RECQL4: variants seen among roughly 807,000 people sequenced by gnomAD.
RECQL4 encodes the protein ATP-dependent DNA helicase Q4.
A neutral mutation model predicts 128.6 loss-of-function variants in RECQL4; 158 were observed. That is an observed-to-expected ratio of 1.23 (90% CI 1.08 to 1.40). The LOEUF (loss-of-function observed/expected upper bound fraction) is 1.40. Ranked by LOEUF, RECQL4 falls within the 40% of genes most tolerant of loss-of-function variation. The pLI is 0.00. For synonymous variants in RECQL4, 996 were observed against 678.9 expected, an observed-to-expected ratio of 1.47 and a Z score of -7.26; for missense variants, 2,293 against 1,649.8, an observed-to-expected ratio of 1.39 and a Z score of -6.75.
rs1286553686 is a variant in RECQL4 at position 144,514,289 on chromosome 8, G to A, written c.1778C>T (p.Ala593Val). The change falls in exon 11 of 21, where the codon GCC (alanine) becomes GTC (valine). Residue 593 changes from alanine (A) to valine (V), a missense_variant. Physicochemically the swap from Ala to Val is moderately conservative, Grantham distance 64. Transcript: ENST00000617875. ...ALVGAGGLPPAAQLPPVAFAC... is the reference protein window; with the variant it reads ...ALVGAGGLPPVAQLPPVAFAC... ...AAAAGCAACTGGAGGCAGCTGTGCG[G>A]CTGGAGGGAGGCCTCCCGCCCCCAC... 1.2e-6 allele frequency: 2 copies of A among 1,611,166 alleles called. No individual in the cohort carries two copies. The highest frequency in any genetic ancestry group is 2.7e-5 in the African/African-American group (2 of 74,888).
Position 144,512,947 on chromosome 8 carries a change from A to G in RECQL4, c.2655T>C (p.Leu885=). 6.3e-7 allele frequency: 1 copy of G among 1,574,902 alleles called. No homozygotes were observed. Among genetic ancestry groups the G allele is most frequent in the Non-Finnish European group, 8.6e-7 (1 of 1,160,580 alleles). The change falls in exon 15 of 21, where the codon CTT becomes CTC. Residue 885 remains leucine (L), a synonymous_variant. Transcript: ENST00000617875. ...TGGGTCCTGGGGCTGCTTGGTGGCT[A>G]AGCTGCTCAGCCTCTTGAGGGGGGT... The part of the protein sequence containing the change: ...PKYPPQEAEQ[L]SHQAAPGPRR...
chr8:144,512,735 G>C lies in RECQL4; in HGVS notation c.2792C>G (p.Pro931Arg), dbSNP rs749155734. Reference sequence around the variant, plus strand: ...CGCCAGCAGCTCCAGCCAGTGGTGTGGGTGCAGCTCCAGGTAGCACAGCAA... The same window carrying C: ...CGCCAGCAGCTCCAGCCAGTGGTGTCGGTGCAGCTCCAGGTAGCACAGCAA... ...ETLLCYLELHPHHWLELLATT... is the reference protein window; with the variant it reads ...ETLLCYLELHRHHWLELLATT... Residue 931 changes from proline to arginine, a missense_variant, in exon 16 of 21, where the codon CCA becomes CGA. Coordinates refer to ENST00000617875, the MANE Select transcript of RECQL4 (RefSeq NM_004260.4). 2 of 1,612,258 alleles carry C rather than the reference G, an allele frequency of 1.2e-6. No homozygotes were observed. Among genetic ancestry groups the C allele is most frequent in the South Asian group, 1.1e-5 (1 of 91,086 alleles).
At chr8:144,517,028 T>C (rs1815212191) in intron 4 of RECQL4, 22 bp downstream of exon 4, 6 of 1,601,530 alleles carry the variant, frequency 3.7e-6, no homozygotes, top group African/African-American at 1.3e-5. Context: ...TAGCGTGGAC[T>C]CACTGCCTGC....
rs746331252 is a variant in RECQL4 at position 144,513,019 on chromosome 8, G to A, written c.2583C>T (p.Pro861=). ...PACTCTCTRP[P]SEQEGAVGGE... is the part of the protein sequence containing the mutation. ...CACCCACGGCCCCTTCCTGCTCCGA[G>A]GGCGGCCTGGTGCAGGTGCAGGTGC... The change falls in exon 15 of 21, where the codon CCC becomes CCT. Residue 861 remains proline, a synonymous_variant. Transcript: ENST00000617875. The A allele has an allele frequency of 1.3e-6, 2 of 1,571,930 alleles. No individual in the cohort carries two copies. Among genetic ancestry groups the A allele is most frequent in the Non-Finnish European group, 8.6e-7 (1 of 1,159,486 alleles).
At position 144,514,990 on chromosome 8, in the gene RECQL4, G is replaced by A. The variant is rs2130703266; in HGVS notation, c.1566C>T (p.Arg522=). ...YQLPALLYSR[R]SPCLTLVVSP... ...AGACGACCAACGTGAGGCAGGGGCTGCGCCGGCTGTAGAGCAGCGCTGGGA... is the reference window on the plus strand; with the variant it reads ...AGACGACCAACGTGAGGCAGGGGCTACGCCGGCTGTAGAGCAGCGCTGGGA... The change falls in exon 9 of 21, where the codon CGC becomes CGT. Residue 522 remains arginine, a synonymous_variant. Coordinates refer to ENST00000617875, the MANE Select transcript of RECQL4 (RefSeq NM_004260.4). 1.9e-6 allele frequency: 3 copies of A among 1,611,722 alleles called. No homozygotes were observed. Among genetic ancestry groups the A allele is most frequent in the Non-Finnish European group, 2.5e-6 (3 of 1,179,554 alleles).
chr8:144,515,728 G>A (rs775776250), intron 6 of RECQL4, 36 bp downstream of exon 6: 2 of 1,608,300 alleles, frequency 1.2e-6, no homozygotes, highest in African/African-American at 1.3e-5. Flanking sequence ...TCTCCACAGT[G>A]TTGGCCGGAC....
At position 144,515,243 on chromosome 8, in the gene RECQL4, C is replaced by T. The variant is rs117642173; in HGVS notation, c.1391-1G>A. 84 of 1,596,570 alleles carry T rather than the reference C, an allele frequency of 5.3e-5. No individual in the cohort carries two copies. The highest frequency in any genetic ancestry group is 7.0e-5 in the Non-Finnish European group (82 of 1,172,292). ...GCCTGGAACACCTCAGCCGGCGTCT[C>T]TGCAGACACAGATGTTGATCACCAT... On this transcript the variant is annotated splice_acceptor_variant, in intron 7 of 20. Coordinates refer to ENST00000617875, the MANE Select transcript of RECQL4 (RefSeq NM_004260.4). LOFTEE classifies it high-confidence loss of function.
rs1268491409 is a variant in RECQL4, at chr8:144,513,027, T to C, written c.2575A>G (p.Arg859Gly). The change falls in exon 15 of 21, where the codon AGG (arginine) becomes GGG (glycine). Residue 859 changes from arginine (R) to glycine (G), a missense_variant. By Grantham distance (125) the Arg-to-Gly change is moderately radical. Transcript: ENST00000617875. ...VFPACTCTCT[R>G]PPSEQEGAVG... ...GCCCCTTCCTGCTCCGAGGGCGGCC[T>C]GGTGCAGGTGCAGGTGCAGGCTGGG... is the stretch of plus-strand genomic sequence containing the variant. 4.4e-6 allele frequency: 7 copies of C among 1,574,350 alleles called. No homozygotes were observed. The highest frequency in any genetic ancestry group is 4.7e-5 in the East Asian group (2 of 42,566).
rs1444716268 is a variant in RECQL4, at chr8:144,513,120, G to T, written c.2482C>A (p.Leu828Met). Residue 828 changes from leucine (L) to methionine (M), a missense_variant, in exon 15 of 21, where the codon CTG (leucine) becomes ATG (methionine). Transcript: ENST00000617875. Reference sequence around the variant, plus strand: ...CTGTCGGCGTGCACATGTCTGCGCAGCTCTCGCAGGTCTTCGCCCTGCAGG... The same window carrying T: ...CTGTCGGCGTGCACATGTCTGCGCATCTCTCGCAGGTCTTCGCCCTGCAGG... Reference protein sequence around the residue: ...LQPQGEDLRELRRHVHADSTD... With the variant: ...LQPQGEDLREMRRHVHADSTD... The T allele has an allele frequency of 3.3e-6, 5 of 1,512,142 alleles. No individual in the cohort carries two copies. In the South Asian group the frequency reaches 6.0e-5, roughly 18 times the overall value. The allele number at this position is 1,512,142 out of a possible 1,614,324, so 93.7% of individuals were successfully genotyped here.
rs202043854 is a variant in RECQL4 at position 144,515,863 on chromosome 8, C to T, written c.1159G>A (p.Gly387Arg). The T allele has an allele frequency of 3.6e-4, 587 of 1,612,860 alleles. 1 individual carries two copies. The highest frequency in any genetic ancestry group is 4.7e-4 in the Non-Finnish European group (549 of 1,179,812). Residue 387 changes from glycine to arginine, a missense_variant, in exon 6 of 21, where the codon GGG (glycine) becomes AGG (arginine). Gly to Arg is a moderately radical substitution (Grantham distance 125). Transcript: ENST00000617875. ...QAWKQKWRKKGECFGGGGATV... is the reference protein window; with the variant it reads ...QAWKQKWRKKRECFGGGGATV... ...GCACCACCACCCCCAAAACACTCCC[C>T]TTTCTTCCGCCACTTCTGCTTCCAT...
rs539751764 is a variant in RECQL4, at chr8:144,511,802, G to T, written c.3394-13C>A. 23 of 1,612,044 alleles carry T rather than the reference G, an allele frequency of 1.4e-5. No individual in the cohort carries two copies. Among genetic ancestry groups the T allele is most frequent in the Non-Finnish European group, 2.0e-5 (23 of 1,179,478 alleles). On this transcript the variant is annotated splice_polypyrimidine_tract_variant and intron_variant, in intron 19 of 20. Transcript: ENST00000617875. ...CCCAATCCTGGAGCTGTGTGGACAG[G>T]CACATCAGGCTTCCTCTGAGCTCCC... is the stretch of plus-strand genomic sequence containing the variant.
chr8:144,514,130 G>A (rs779469826), intron 11 of RECQL4, 23 bp from the exon 12 acceptor site: 12 of 1,609,872 alleles, frequency 7.5e-6, no homozygotes, highest in Non-Finnish European at 1.0e-5. Flanking sequence ...CGGCAGTGGT[G>A]TGAGGCCGCC....
In RECQL4 at chr8:144,513,031, G is replaced by T; in HGVS notation, c.2571C>A (p.Cys857Ter). 6.4e-7 allele frequency: 1 copy of T among 1,568,366 alleles called. No homozygotes were observed. The highest frequency in any genetic ancestry group is 8.6e-7 in the Non-Finnish European group (1 of 1,160,228). Residue 857 changes from cysteine (C) to a stop codon, truncating the protein, a stop_gained, in exon 15 of 21, where the codon TGC (cysteine) becomes TGA (stop). Coordinates refer to ENST00000617875, the MANE Select transcript of RECQL4 (RefSeq NM_004260.4). LOFTEE classifies it high-confidence loss of function. The part of the protein sequence containing the change: ...QRVFPACTCT[C>*]TRPPSEQEGA... ...CTTCCTGCTCCGAGGGCGGCCTGGT[G>T]CAGGTGCAGGTGCAGGCTGGGAACA...
rs780993059 is a variant in RECQL4 at position 144,515,050 on chromosome 8, C to G, written c.1506G>C (p.Leu502=). ...ACAGGGACTTGCCGGCACCTGTAGG[C>G]AGCACCAGCAGCGTGGAGATGCCTG... ...ILSGISTLLV[L]PTGAGKSLCY... The change falls in exon 9 of 21, where the codon CTG becomes CTC. Residue 502 remains leucine, a synonymous_variant. Coordinates refer to ENST00000617875, the MANE Select transcript of RECQL4 (RefSeq NM_004260.4). 1.9e-6 allele frequency: 3 copies of G among 1,608,666 alleles called. No individual in the cohort carries two copies. Among genetic ancestry groups the G allele is most frequent in the African/African-American group, 1.3e-5 (1 of 74,852 alleles).
rs2130691445 is a variant in RECQL4, at chr8:144,514,022, T to G, written c.1964A>C (p.His655Pro). 6.4e-7 allele frequency: 1 copy of G among 1,572,572 alleles called. No individual in the cohort carries two copies. Among genetic ancestry groups the G allele is most frequent in the Non-Finnish European group, 8.6e-7 (1 of 1,159,984 alleles). ...TRRTASDVAQ[H>P]LAVAEEPDLH... Reference sequence around the variant, plus strand: ...GTCAGGCTCTTCAGCCACAGCCAGGTGCTGTGCCACGTCACTGGCAGTGCG... The same window carrying G: ...GTCAGGCTCTTCAGCCACAGCCAGGGGCTGTGCCACGTCACTGGCAGTGCG... Residue 655 changes from histidine (H) to proline (P), a missense_variant, in exon 12 of 21, where the codon CAC (histidine) becomes CCC (proline). His to Pro is a moderately conservative substitution (Grantham distance 77). Coordinates refer to ENST00000617875, the MANE Select transcript of RECQL4 (RefSeq NM_004260.4).
chr8:144,513,306 G>A lies in RECQL4; in HGVS notation c.2375C>T (p.Pro792Leu), dbSNP rs1471609431. 13 of 1,600,922 alleles carry A rather than the reference G, an allele frequency of 8.1e-6. No individual in the cohort carries two copies. The highest frequency in any genetic ancestry group is 1.7e-5 in the Admixed American group (1 of 59,906). ...CTGCACGTAGCTCTCGAAGCTTGGG[G>A]GCAGCCCCAGATGCAGCACAGCCCG... is the stretch of plus-strand genomic sequence containing the variant. ...DVRAVLHLGL[P>L]PSFESYVQAV... Residue 792 changes from proline to leucine, a missense_variant, in exon 14 of 21, where the codon CCC (proline) becomes CTC (leucine). Pro to Leu is a moderately conservative substitution (Grantham distance 98). Transcript: ENST00000617875.
At position 144,512,513 on chromosome 8, in the gene RECQL4, T is replaced by C; in HGVS notation, c.2934A>G (p.Pro978=). 6.2e-7 allele frequency: 1 copy of C among 1,612,540 alleles called. No homozygotes were observed. The highest frequency in any genetic ancestry group is 8.5e-7 in the Non-Finnish European group (1 of 1,179,824). The change falls in exon 17 of 21, where the codon CCA becomes CCG. Residue 978 remains proline (P), a synonymous_variant. Transcript: ENST00000617875. ...VCLAQQLPED[P]GQGSSSVEFD... is the part of the protein sequence containing the mutation. ...ACTCCACGGAGCTGCTGCCTTGCCC[T>C]GGGTCCTCAGGCAGCTGCTGGGCCA...
chr8:144,514,817 A>C lies in RECQL4; in HGVS notation c.1620+119T>G. The stretch of plus-strand genomic sequence containing the variant: ...TGCTGCCAAGACTGGGACTGAGGCC[A>C]CAGACACCTTGAAGCTCCCAGGGGA... On this transcript the variant is annotated intron_variant, in intron 9 of 20. Coordinates refer to ENST00000617875, the MANE Select transcript of RECQL4 (RefSeq NM_004260.4). 2.3e-6 allele frequency: 3 copies of C among 1,293,786 alleles called. No individual in the cohort carries two copies. The South Asian group carries it at 4.1e-5, about 18-fold the overall frequency. 80.1% of individuals were successfully genotyped at this position (1,293,786 alleles called of 1,614,324 possible). A position where few individuals can be genotyped will look rare whatever the true frequency, so the allele number is the denominator to read the frequency against.
At position 144,511,422 on chromosome 8, in the gene RECQL4, G is replaced by A. The variant is rs55805048; in HGVS notation, c.*9C>T. On this transcript the variant is annotated 3_prime_UTR_variant, in exon 21 of 21. Coordinates refer to ENST00000617875, the MANE Select transcript of RECQL4 (RefSeq NM_004260.4). ...CCAGCTCTACCCGACATCCCCCAATGCAGTGCAGTCAGCGGGCCACCTGCA... is the reference window on the plus strand; with the variant it reads ...CCAGCTCTACCCGACATCCCCCAATACAGTGCAGTCAGCGGGCCACCTGCA... The A allele has an allele frequency of 3.8e-4, 615 of 1,611,978 alleles. 17 individuals carry two copies. The East Asian group carries it at 0.013, about 35-fold the overall frequency.
Sources: allele counts gnomAD v4.1 joint callset, GRCh38; gene constraint gnomAD v4.1.1; transcripts MANE v1.5; gene names NCBI Gene and HGNC (gene_info 2026-07-23, HGNC 2026-07-21).